ZNF536: variants seen among roughly 807,000 people sequenced by gnomAD.
The protein encoded by ZNF536 is zinc finger protein 536.
A neutral mutation model predicts 84.5 loss-of-function variants in ZNF536; 13 were observed. That is an observed-to-expected ratio of 0.15 (90% CI 0.10 to 0.24). The LOEUF (loss-of-function observed/expected upper bound fraction) is 0.24. ZNF536 is among the 10% of genes least tolerant of loss of function. The probability of loss-of-function intolerance (pLI) is 1.00; values close to 1 mark genes in which losing one functional copy is unlikely to be tolerated. For missense variants in ZNF536, 1,536 were observed against 1,747.5 expected (o/e 0.88, Z 2.16); for synonymous variants, 811 against 742.5 (o/e 1.09, Z -1.50).
intron 3 of ZNF536, among the ~76,000 whole-genome samples, chr19:30,358,526 G>T (rs1365210472): frequency 6.6e-6 from 1 of 152,236 alleles, no homozygotes; most frequent in Non-Finnish European, 1.5e-5. Context: ...AGCAATCACT[G>T]TTGTGTTGAT....
intron 1 of ZNF536, among the ~76,000 whole-genome samples, chr19:30,386,632 C>T (rs2049353455): frequency 6.6e-6 from 1 of 152,256 alleles, no homozygotes; most frequent in Admixed American, 6.5e-5. Context: ...CCTGCCTTGG[C>T]CTCCCAAAAT....
At chr19:30,372,780 A>T (rs1266325110) in intron 1 of ZNF536, among the ~76,000 whole-genome samples, 1 of 152,108 alleles carries the variant, frequency 6.6e-6, no homozygotes, top group Non-Finnish European at 1.5e-5. Flanking sequence ...GGACCATCCG[A>T]TGGTTAAAAC....
intron 1 of ZNF536, among the ~76,000 whole-genome samples, chr19:30,377,147 T>C (rs1002879310): frequency 6.6e-6 from 1 of 152,036 alleles, no homozygotes; most frequent in African/African-American, 2.4e-5. Context: ...GACAACTGTC[T>C]CCAGACTTGC....
chr19:30,653,080 G>C (rs2049770660), intron 1 of ZNF536, among the ~76,000 whole-genome samples: 2 of 152,146 alleles, frequency 1.3e-5, no homozygotes, highest in Admixed American at 1.3e-4. Context: ...CCGTTATCTG[G>C]GCATTTCCAA....
intron 1 of ZNF536, among the ~76,000 whole-genome samples, chr19:30,620,060 T>C (rs1399973373): frequency 2.0e-5 from 3 of 149,280 alleles, no homozygotes; most frequent in African/African-American, 7.4e-5. Context: ...ATAATTTAGG[T>C]ACACAAAAGG....
chr19:30,572,445 T>C (rs867865720), intron 1 of ZNF536, among the ~76,000 whole-genome samples: 1 of 152,152 alleles, frequency 6.6e-6, no homozygotes, highest in South Asian at 2.1e-4. Context: ...CTGGAAACAC[T>C]GTGACCCCTC....
At chr19:30,410,509 C>G (rs965806148) in intron 1 of ZNF536, among the ~76,000 whole-genome samples, 1 of 134,324 alleles carries the variant, frequency 7.4e-6, no homozygotes, top group Non-Finnish European at 1.5e-5. Context: ...GAGTCTCGCT[C>G]TGTCGCCCAG....
intron 1 of ZNF536, among the ~76,000 whole-genome samples, chr19:30,668,296 A>G (rs2050410909): frequency 6.6e-6 from 1 of 151,990 alleles, no homozygotes; most frequent in Non-Finnish European, 1.5e-5. Flanking sequence ...AGGGGGTGTG[A>G]TTGACTTTCT....
upstream of ZNF536, among the ~76,000 whole-genome samples, chr19:30,225,687 T>TC (rs535519220): frequency 1.2e-5 from 1 of 84,178 alleles, no homozygotes; most frequent in Non-Finnish European, 2.4e-5. Flanking sequence ...AAAACAAAGG[T>TC]GGGGGGGGGA....
intron 2 of ZNF536, among the ~76,000 whole-genome samples, chr19:30,506,261 T>C (rs1007528866): frequency 2.6e-5 from 4 of 152,064 alleles, no homozygotes; most frequent in Admixed American, 6.5e-5. Flanking sequence ...CCTGATGAGA[T>C]TGGGTGGTTG....
chr19:30,396,198 A>G (rs1203194337), intron 1 of ZNF536, among the ~76,000 whole-genome samples: 1 of 152,170 alleles, frequency 6.6e-6, no homozygotes, highest in Non-Finnish European at 1.5e-5. Context: ...CCAGCCTTTT[A>G]TTTAAGCAGA....
intron 1 of ZNF536, among the ~76,000 whole-genome samples, chr19:30,420,690 A>G (rs1471173245): frequency 6.6e-6 from 1 of 152,194 alleles, no homozygotes; most frequent in African/African-American, 2.4e-5. Context: ...TGAGGAAAAA[A>G]AAAGTGTGGT....
At chr19:30,237,059 TC>T (rs1432028118) in intron 1 of ZNF536, among the ~76,000 whole-genome samples, 1 of 151,760 alleles carries the variant, frequency 6.6e-6, no homozygotes, top group Non-Finnish European at 1.5e-5. Flanking sequence ...TTTTTTTTCT[TC>T]TAGGCACTGC....
At chr19:30,539,472 A>T (rs552212206) in intron 3 of ZNF536, among the ~76,000 whole-genome samples, 1 of 152,316 alleles carries the variant, frequency 6.6e-6, no homozygotes, top group East Asian at 1.9e-4. Flanking sequence ...ACCCAGAAGA[A>T]TCCTTAACCA....
intron 2 of ZNF536, among the ~76,000 whole-genome samples, chr19:30,329,892 G>A: frequency 6.6e-6 from 1 of 152,124 alleles, no homozygotes; most frequent in East Asian, 1.9e-4. Flanking sequence ...ATTGATTTGG[G>A]AATTATTGTA....
intron 2 of ZNF536, among the ~76,000 whole-genome samples, chr19:30,340,449 T>C (rs1046455328): frequency 1.3e-5 from 2 of 152,198 alleles, no homozygotes; most frequent in African/African-American, 4.8e-5. Flanking sequence ...AGAACAGGGC[T>C]TGGACTCGAT....
chr19:30,228,255 CGAAA>C (rs1048602892), upstream of ZNF536: 3 of 150,400 alleles, frequency 2.0e-5, no homozygotes, highest in African/African-American at 7.4e-5. The surrounding 1 kb of genome is among the most constrained non-coding windows in gnomAD (Gnocchi z 4.5). Context: ...CTTAAAGAGA[CGAAA>C]GAGAGGAAAA....
chr19:30,511,995 T>C (rs1338504265), intron 2 of ZNF536, among the ~76,000 whole-genome samples: 1 of 152,220 alleles, frequency 6.6e-6, no homozygotes, highest in Non-Finnish European at 1.5e-5. Context: ...ACATTTACAT[T>C]AAGTATAATT....
downstream of ZNF536, among the ~76,000 whole-genome samples, chr19:30,560,815 T>A (rs1406141773): frequency 6.6e-6 from 1 of 152,270 alleles, no homozygotes; most frequent in African/African-American, 2.4e-5. Context: ...TCACTTTTTC[T>A]CAAAGAAACT....
Sources: gnomAD v4.1 joint callset for allele counts (sites outside exome capture counted in the v4.1 genomes callset) on GRCh38, gnomAD v4.1.1 for gene constraint, Gnocchi (gnomAD v3.1) non-coding constraint, MANE v1.5 for transcripts, NCBI Gene and HGNC (gene_info 2026-07-23, HGNC 2026-07-21) for gene names.